The following RIMS1 variants were observed in gnomAD, a reference collection of about 807,000 sequenced individuals.
The protein encoded by RIMS1 is regulating synaptic membrane exocytosis 1.
In RIMS1, 83 loss-of-function variants were observed where a neutral mutation model predicts 214.1. The observed-to-expected ratio is 0.39, with a 90% CI of 0.32 to 0.47. The LOEUF (loss-of-function observed/expected upper bound fraction) is 0.47. Among genes scored for constraint, RIMS1 ranks in the 20% least tolerant of loss-of-function variants. RIMS1 has a pLI of 0.99. For missense variants in RIMS1, 2,050 were observed against 2,161.8 expected (o/e 0.95, Z 1.03); for synonymous variants, 793 against 786.8 (o/e 1.01, Z -0.13).
intron 2 of RIMS1, among the ~76,000 whole-genome samples, chr6:71,992,406 CTTTCTT>C (rs1392091373): frequency 5.8e-5 from 3 of 51,862 alleles, no homozygotes; most frequent in African/African-American, 1.2e-4. Context: ...CTCTCTCTCT[CTTTCTT>C]TCTTTCTTTC....
chr6:72,212,325 T>G, intron 6 of RIMS1, among the ~76,000 whole-genome samples: 1 of 150,834 alleles, frequency 6.6e-6, no homozygotes, highest in Non-Finnish European at 1.5e-5. Flanking sequence ...AATCTATATA[T>G]AATATATAAT....
At position 72,261,967 on chromosome 6, in the gene RIMS1, T is replaced by C. The variant is rs1424761134; in HGVS notation, c.3116+1200T>C. 6 of 984,316 alleles carry C rather than the reference T, an allele frequency of 6.1e-6. No homozygotes were observed. In the African/African-American group the frequency reaches 8.7e-5, roughly 14 times the overall value. 61.0% of individuals were successfully genotyped at this position (984,316 alleles called of 1,614,324 possible). On this transcript the variant is annotated intron_variant, in intron 19 of 33. Coordinates refer to ENST00000521978, the MANE Select transcript of RIMS1 (RefSeq NM_014989.7). ...ATTATTACTTGTTCTTGACAAACAGTTTCTTAAAATAATGGTTTATTTACT... is the reference window on the plus strand; with the variant it reads ...ATTATTACTTGTTCTTGACAAACAGCTTCTTAAAATAATGGTTTATTTACT...
intron 1 of RIMS1, among the ~76,000 whole-genome samples, chr6:71,950,146 T>C (rs1178811625): frequency 6.6e-6 from 1 of 152,166 alleles, no homozygotes; most frequent in Non-Finnish European, 1.5e-5. Context: ...CTTGACACTC[T>C]AGAAAGGGCA....
At chr6:72,348,638 C>G (rs2097347067) in intron 29 of RIMS1, among the ~76,000 whole-genome samples, 1 of 151,804 alleles carries the variant, frequency 6.6e-6, no homozygotes, top group South Asian at 2.1e-4. Context: ...GGATAAATTG[C>G]CTAATGGTGA....
At chr6:72,089,771 A>G (rs536696542) in intron 2 of RIMS1, among the ~76,000 whole-genome samples, 2 of 143,736 alleles carry the variant, frequency 1.4e-5, no homozygotes, top group South Asian at 4.7e-4. Context: ...AACCAACCCA[A>G]ATGTCCAACA....
intron 2 of RIMS1, among the ~76,000 whole-genome samples, chr6:72,031,402 A>C (rs1337393010): frequency 6.6e-6 from 1 of 152,182 alleles, no homozygotes; most frequent in Non-Finnish European, 1.5e-5. Flanking sequence ...ATTTTCATTT[A>C]TAGCTTAGAA....
intron 2 of RIMS1, among the ~76,000 whole-genome samples, chr6:72,038,506 A>G (rs1820558909): frequency 6.6e-6 from 1 of 152,130 alleles, no homozygotes; most frequent in East Asian, 1.9e-4. Flanking sequence ...AGAAATTCAA[A>G]TAGAAACTGA....
chr6:72,184,424 A>T (rs1289474159), intron 6 of RIMS1, among the ~76,000 whole-genome samples: 1 of 152,212 alleles, frequency 6.6e-6, no homozygotes, highest in Non-Finnish European at 1.5e-5. Context: ...AAACCCGTGC[A>T]CTTTTTGTGA....
At chr6:72,003,134 G>C (rs1027085038) in intron 2 of RIMS1, among the ~76,000 whole-genome samples, 6 of 152,124 alleles carry the variant, frequency 3.9e-5, no homozygotes, top group Admixed American at 6.6e-5. Flanking sequence ...ATAACACTTA[G>C]GGTGATTATG....
intron 2 of RIMS1, among the ~76,000 whole-genome samples, chr6:72,096,276 G>T (rs528359869): frequency 6.6e-6 from 1 of 152,272 alleles, no homozygotes; most frequent in South Asian, 2.1e-4. Context: ...CTTTTGATGT[G>T]AACTGCAAGA....
chr6:72,301,949 GA>G (rs1380816936), intron 26 of RIMS1, among the ~76,000 whole-genome samples: 2 of 151,530 alleles, frequency 1.3e-5, no homozygotes, highest in Non-Finnish European at 3.0e-5. Flanking sequence ...TTAAAATCTG[GA>G]AATTAGGTAA....
At chr6:72,120,501 G>T (rs1429327695) in intron 4 of RIMS1, among the ~76,000 whole-genome samples, 1 of 151,930 alleles carries the variant, frequency 6.6e-6, no homozygotes, top group Admixed American at 6.6e-5. Flanking sequence ...TGATGGGGTT[G>T]TTTGATTTTT....
chr6:72,386,885 C>T (rs2154432017), intron 29 of RIMS1, among the ~76,000 whole-genome samples: 1 of 151,960 alleles, frequency 6.6e-6, no homozygotes, highest in Admixed American at 6.6e-5. Context: ...AGGCGCCCGC[C>T]ACCACACCTG....
At chr6:72,213,142 AT>A in intron 6 of RIMS1, 3 of 1,537,030 alleles carry the variant, frequency 2.0e-6, no homozygotes, top group Non-Finnish European at 1.7e-6. Context: ...CCTGGGATTC[AT>A]GTCTCTTCAG....
intron 22 of RIMS1, among the ~76,000 whole-genome samples, chr6:72,271,278 A>ATAT (rs1197190014): frequency 5.8e-5 from 3 of 51,284 alleles, no homozygotes; most frequent in African/African-American, 7.6e-5. Flanking sequence ...GGAAAAAAAA[A>ATAT]AAAAAAAAAT....
chr6:72,133,407 C>A (rs1397732137), intron 4 of RIMS1, among the ~76,000 whole-genome samples: 9 of 152,108 alleles, frequency 5.9e-5, no homozygotes, highest in Non-Finnish European at 1.0e-4. Flanking sequence ...TGACAAGAAT[C>A]TTACAACTTC....
At chr6:71,976,642 T>C (rs75637701) in intron 2 of RIMS1, among the ~76,000 whole-genome samples, 2,491 of 152,202 alleles carry the variant, frequency 0.016, 81 homozygotes, top group African/African-American at 0.055. Context: ...GTGGTTTTGG[T>C]CTTGCATCCA....
At chr6:72,275,372 G>C (rs541106349) in intron 23 of RIMS1, among the ~76,000 whole-genome samples, 1 of 151,362 alleles carries the variant, frequency 6.6e-6, no homozygotes, top group Non-Finnish European at 1.5e-5. Flanking sequence ...GTGTGTGTGC[G>C]TACGGCAGAG....
Position 72,242,348 on chromosome 6 carries a change from G to T in RIMS1, c.1992G>T (p.Leu664=). ...TTCTAGAATGGAATGGTAAACCCCT[G>T]CCGGGAGCTACAAATGAAGAAGTTT... The part of the protein sequence containing the change: ...DEVLEWNGKP[L]PGATNEEVYN... Residue 664 remains leucine (L), a synonymous_variant, in exon 10 of 34, where the codon CTG becomes CTT. Transcript: ENST00000521978. The T allele has an allele frequency of 1.3e-6, 2 of 1,564,508 alleles. No individual in the cohort carries two copies. The highest frequency in any genetic ancestry group is 1.7e-6 in the Non-Finnish European group (2 of 1,152,404).
Sources: gnomAD v4.1 joint callset for allele counts (sites outside exome capture counted in the v4.1 genomes callset) on GRCh38, gnomAD v4.1.1 for gene constraint, MANE v1.5 for transcripts, NCBI Gene and HGNC (gene_info 2026-07-23, HGNC 2026-07-21) for gene names.